Variants in DCC observed in about 807,000 individuals in gnomAD.
DCC encodes netrin receptor DCC.
In DCC, 58 loss-of-function variants were observed where a neutral mutation model predicts 172.5. The ratio of observed to expected loss-of-function variants is 0.34; its 90% CI spans 0.27 to 0.42. DCC has a LOEUF of 0.42. Ranked by LOEUF, DCC falls within the 10% of genes least tolerant of loss-of-function variation. The pLI, the probability that DCC is intolerant of heterozygous loss-of-function variation, is 1.00. For synonymous variants in DCC, 709 were observed against 644.5 expected, an observed-to-expected ratio of 1.10 and a Z score of -1.52; for missense variants, 1,740 against 1,791.0, an observed-to-expected ratio of 0.97 and a Z score of 0.51.
chr18:52,752,347 A>T lies in DCC; in HGVS notation c.385A>T (p.Ser129Cys). ...TTTAGGAGATTCTGGCTCAATTATT[A>T]GTCGGACAGCAAAAGTTGCAGTAGC... ...ASLGDSGSII[S>C]RTAKVAVAGP... The change falls in exon 2 of 29, where the codon AGT (serine) becomes TGT (cysteine). Residue 129 changes from serine to cysteine, a missense_variant. By Grantham distance (112) the Ser-to-Cys change is moderately radical. Transcript: ENST00000442544. 6.2e-7 allele frequency: 1 copy of T among 1,614,190 alleles called. No individual in the cohort carries two copies. Among genetic ancestry groups the T allele is most frequent in the Non-Finnish European group, 8.5e-7 (1 of 1,180,008 alleles).
chr18:52,630,502 T>C (rs2034654890), intron 1 of DCC, among the ~76,000 whole-genome samples: 1 of 152,200 alleles, frequency 6.6e-6, no homozygotes, highest in South Asian at 2.1e-4. Context: ...AGATAATGCT[T>C]ATAAATTTAA....
At chr18:53,335,116 T>C (rs992959734) in intron 14 of DCC, among the ~76,000 whole-genome samples, 25 of 152,196 alleles carry the variant, frequency 1.6e-4, no homozygotes, top group African/African-American at 6.0e-4. Context: ...GATGTGATGA[T>C]CCTCTTTGGT....
intron 5 of DCC, among the ~76,000 whole-genome samples, chr18:52,959,525 C>T (rs35504520): frequency 0.23 from 34,767 of 148,830 alleles, 4,566 homozygotes; most frequent in Admixed American, 0.31. Context: ...GAACCCGTCA[C>T]CCAGATAGTG....
At chr18:53,466,351 C>G (rs991037415) in intron 24 of DCC, among the ~76,000 whole-genome samples, 1 of 152,174 alleles carries the variant, frequency 6.6e-6, no homozygotes, top group Non-Finnish European at 1.5e-5. Context: ...TTTCCCTCTT[C>G]TCTCTTCTAT....
At chr18:52,841,659 T>A (rs1181932698) in intron 2 of DCC, among the ~76,000 whole-genome samples, 1 of 152,130 alleles carries the variant, frequency 6.6e-6, no homozygotes, top group Non-Finnish European at 1.5e-5. Flanking sequence ...TCACTGGGTA[T>A]AGTGGGTGCT....
chr18:52,656,160 ATGTT>A (rs1208997225), intron 1 of DCC, among the ~76,000 whole-genome samples: 2 of 150,792 alleles, frequency 1.3e-5, no homozygotes, highest in Admixed American at 6.6e-5. Context: ...TATGGTCTAA[ATGTT>A]TGTGTTCCAC....
At chr18:52,357,642 C>T (rs2339323) in intron 1 of DCC, among the ~76,000 whole-genome samples, 49,321 of 151,828 alleles carry the variant, frequency 0.32, 8,575 homozygotes, top group East Asian at 0.51. Flanking sequence ...CTGTGCTTAG[C>T]GACTTCCTTC....
At chr18:53,261,011 G>T (rs1349685086) in intron 12 of DCC, among the ~76,000 whole-genome samples, 1 of 152,178 alleles carries the variant, frequency 6.6e-6, no homozygotes, top group South Asian at 2.1e-4. Flanking sequence ...CCAGGCACTG[G>T]ATATAATCTC....
chr18:52,439,739 A>G (rs1227106143), intron 1 of DCC, among the ~76,000 whole-genome samples: 1 of 152,228 alleles, frequency 6.6e-6, no homozygotes, highest in Non-Finnish European at 1.5e-5. Flanking sequence ...CAGAGCTATC[A>G]ATAAATATTT....
intron 18 of DCC, among the ~76,000 whole-genome samples, chr18:53,399,239 G>C (rs1370891046): frequency 6.6e-6 from 1 of 152,070 alleles, no homozygotes; most frequent in Non-Finnish European, 1.5e-5. Context: ...TCCCTTCAAG[G>C]TGCTACCATA....
Position 53,369,448 on chromosome 18 carries a change from T to C in DCC, c.2360-16595T>C, listed in dbSNP as rs371225345. Among the ~76,000 whole-genome samples, 2 of 151,944 alleles carry C rather than the reference T, an allele frequency of 1.3e-5. 1 individual carries two copies. The highest frequency in any genetic ancestry group is 4.1e-4 in the South Asian group (2 of 4,830). On this transcript the variant is annotated intron_variant, in intron 15 of 28. Transcript: ENST00000442544. ...TGCAAACAATAAAATTTTACTTCTT[T>C]TTTTTCCAGTTCAGAATCCTTCTAT... is the stretch of plus-strand genomic sequence containing the variant.
At chr18:53,095,181 T>C (rs1189262963) in intron 7 of DCC, among the ~76,000 whole-genome samples, 1 of 152,224 alleles carries the variant, frequency 6.6e-6, no homozygotes, top group African/African-American at 2.4e-5. Context: ...AGAGGTTTAA[T>C]ATAAATTTAT....
At chr18:52,951,796 T>C (rs1255421023) in intron 5 of DCC, among the ~76,000 whole-genome samples, 2 of 152,216 alleles carry the variant, frequency 1.3e-5, no homozygotes, top group Non-Finnish European at 2.9e-5. Flanking sequence ...AGGGTCAACA[T>C]TGTGTCATTT....
At chr18:52,499,848 C>T (rs2030950536) in intron 1 of DCC, among the ~76,000 whole-genome samples, 3 of 152,174 alleles carry the variant, frequency 2.0e-5, no homozygotes, top group South Asian at 2.1e-4. Flanking sequence ...GATGGGGACT[C>T]GGGTAAGGTC....
At chr18:53,493,399 T>C (rs532700487) in intron 26 of DCC, among the ~76,000 whole-genome samples, 60 of 152,344 alleles carry the variant, frequency 3.9e-4, no homozygotes, top group African/African-American at 1.4e-3. Flanking sequence ...ATCCTTGTCT[T>C]GTGCCAGTTT....
At chr18:52,463,770 C>G (rs1388109357) in intron 1 of DCC, among the ~76,000 whole-genome samples, 1 of 152,160 alleles carries the variant, frequency 6.6e-6, no homozygotes, top group Non-Finnish European at 1.5e-5. Flanking sequence ...AGGACAGATT[C>G]TTTTCTCATT....
intron 1 of DCC, among the ~76,000 whole-genome samples, chr18:52,592,883 G>T (rs545436377): frequency 2.4e-4 from 37 of 152,082 alleles, no homozygotes; most frequent in Non-Finnish European, 5.1e-4. Flanking sequence ...GGCTTCAAGT[G>T]ATCCTCCCAA....
chr18:52,507,208 A>G (rs2031262432), intron 1 of DCC, among the ~76,000 whole-genome samples: 1 of 152,154 alleles, frequency 6.6e-6, no homozygotes, highest in African/African-American at 2.4e-5. Flanking sequence ...CCTTGTTATT[A>G]TTATTAATGT....
At chr18:52,347,886 T>A (rs1045817369) in intron 1 of DCC, among the ~76,000 whole-genome samples, 1 of 152,156 alleles carries the variant, frequency 6.6e-6, no homozygotes. Flanking sequence ...CATATAGTGT[T>A]TGGTATAATT....
Sources: gnomAD v4.1 joint callset for allele counts (sites outside exome capture counted in the v4.1 genomes callset) on GRCh38, gnomAD v4.1.1 for gene constraint, MANE v1.5 for transcripts, NCBI Gene and HGNC (gene_info 2026-07-23, HGNC 2026-07-21) for gene names.